Variants in UAP1L1 observed in about 807,000 individuals in gnomAD.
The protein encoded by UAP1L1 is UDP-N-acetylglucosamine pyrophosphorylase 1 like 1.
UAP1L1 carries 45 observed loss-of-function variants against 45.3 expected under a neutral mutation model. The observed-to-expected ratio is 0.99, with a 90% CI of 0.78 to 1.27. The LOEUF (loss-of-function observed/expected upper bound fraction) is 1.27, where lower values mean the gene tolerates loss of function less well. UAP1L1 is among the 50% of genes most tolerant of loss of function. The probability of loss-of-function intolerance (pLI) is 0.00; values close to 1 mark genes in which losing one functional copy is unlikely to be tolerated. For missense variants in UAP1L1, 667 were observed against 694.0 expected, an observed-to-expected ratio of 0.96 and a Z score of 0.44; for synonymous variants, 323 against 303.9, an observed-to-expected ratio of 1.06 and a Z score of -0.65.
Position 137,082,670 on chromosome 9 carries a change from C to T in UAP1L1, c.1465C>T (p.Gln489Ter), listed in dbSNP as rs1023817410. 10 of 1,552,314 alleles carry T rather than the reference C, an allele frequency of 6.4e-6. No homozygotes were observed. Among genetic ancestry groups the T allele is most frequent in the Non-Finnish European group, 8.7e-6 (10 of 1,147,462 alleles). Residue 489 changes from glutamine to a stop codon, truncating the protein, a stop_gained, in exon 9 of 9, where the codon CAG becomes TAG. Transcript: ENST00000409858. LOFTEE classifies it high-confidence loss of function. This position sits in a 1 kb window ranked among gnomAD's most constrained non-coding sequence, Gnocchi z 5.7. The stretch of plus-strand genomic sequence containing the variant: ...AGTGTACCTGCAAGGCCGGGAGTTC[C>T]AGTCCCCGCTCATCCTGGATGAAGA... Reference protein sequence around the residue: ...LEVYLQGREFQSPLILDEDQA... With the variant: ...LEVYLQGREF
At position 137,079,376 on chromosome 9, in the gene UAP1L1, G is replaced by C. The variant is rs1241666711; in HGVS notation, c.964G>C (p.Gly322Arg). 6.2e-7 allele frequency: 1 copy of C among 1,612,720 alleles called. No homozygotes were observed. Among genetic ancestry groups the C allele is most frequent in the Non-Finnish European group, 8.5e-7 (1 of 1,179,598 alleles). ...PETAQLRASD[G>R]SLLYNAGNIC... ...GACCGCACAGCTACGTGCCTCCGAC[G>C]GGAGCCTGCTGTACAATGCAGGCAA... The change falls in exon 5 of 9, where the codon GGG becomes CGG. Residue 322 changes from glycine to arginine, a missense_variant. Coordinates refer to ENST00000409858, the MANE Select transcript of UAP1L1 (RefSeq NM_207309.3).
Position 137,082,615 on chromosome 9 carries a change from A to G in UAP1L1, c.1432-22A>G. The G allele has an allele frequency of 2.6e-6, 4 of 1,547,532 alleles. No individual in the cohort carries two copies. The highest frequency in any genetic ancestry group is 2.6e-6 in the Non-Finnish European group (3 of 1,143,560). On this transcript the variant is annotated intron_variant, in intron 8 of 8. Transcript: ENST00000409858. This position sits in a 1 kb window ranked among gnomAD's most constrained non-coding sequence, Gnocchi z 5.7. ...CCCGCCAAAAGGTGGGTACTTGGCC[A>G]TTGTCCCCTGCTCGTCTCCAGGGTT...
rs942029657 is a variant in UAP1L1, at chr9:137,082,335, C to T, written c.1431+271C>T. ...CAGTCAGGCCTTGGTGGGGGCCTTGCGGAGGGAGGACACCGGCCTCTGCTA... is the reference window on the plus strand; with the variant it reads ...CAGTCAGGCCTTGGTGGGGGCCTTGTGGAGGGAGGACACCGGCCTCTGCTA... On this transcript the variant is annotated intron_variant, in intron 8 of 8. Transcript: ENST00000409858. The surrounding 1 kb of genome is among the most constrained non-coding windows in gnomAD (Gnocchi z 5.7). 1.7e-5 allele frequency: 10 copies of T among 598,936 alleles called. No homozygotes were observed. The highest frequency in any genetic ancestry group is 8.8e-4 in the Middle Eastern group (2 of 2,270). The allele number at this position is 598,936 out of a possible 1,614,324, so 37.1% of individuals were successfully genotyped here.
At chr9:137,078,778 T>A in intron 3 of UAP1L1, 101 bp downstream of exon 3, 1 of 1,407,410 alleles carries the variant, frequency 7.1e-7, no homozygotes, top group Non-Finnish European at 9.5e-7. Flanking sequence ...CGAGGCTGTG[T>A]GGTCCTGGGT....
intron 6 of UAP1L1, 85 bp downstream of exon 6, chr9:137,080,227 A>T: frequency 6.4e-7 from 1 of 1,561,388 alleles, no homozygotes; most frequent in Admixed American, 1.7e-5. Flanking sequence ...GTAGGGAAGT[A>T]GAGGCTTGAG....
chr9:137,080,818 G>A lies in UAP1L1; in HGVS notation c.1308G>A (p.Leu436=). 6.2e-7 allele frequency: 1 copy of A among 1,610,426 alleles called. No individual in the cohort carries two copies. The highest frequency in any genetic ancestry group is 8.5e-7 in the Non-Finnish European group (1 of 1,179,508). ...TCACCCAGCACTACCGGTGGGCTCTGCGGGCCGGGGCCCGCTTCCTGGATG... is the reference window on the plus strand; with the variant it reads ...TCACCCAGCACTACCGGTGGGCTCTACGGGCCGGGGCCCGCTTCCTGGATG... ...ALLTQHYRWA[L]RAGARFLDAH... Residue 436 remains leucine, a synonymous_variant, in exon 7 of 9, where the codon CTG becomes CTA. Transcript: ENST00000409858.
In UAP1L1 at chr9:137,080,701, CT is replaced by C; in HGVS notation, c.1193del (p.Leu398TrpfsTer12). The part of the protein sequence containing the change: ...VFRFAKNFAA[L>X]EVLREEEFSP... The stretch of plus-strand genomic sequence containing the variant: ...CTTTCCCCACCAGGAACTTTGCTGC[CT>C]TGGAAGTGCTGCGGGAGGAGGAATT... On this transcript the variant is annotated frameshift_variant, in exon 7 of 9. Coordinates refer to ENST00000409858, the MANE Select transcript of UAP1L1 (RefSeq NM_207309.3). LOFTEE classifies it high-confidence loss of function. The C allele has an allele frequency of 6.2e-7, 1 of 1,611,326 alleles. No individual in the cohort carries two copies. Among genetic ancestry groups the C allele is most frequent in the Non-Finnish European group, 8.5e-7 (1 of 1,179,074 alleles).
chr9:137,078,889 G>A (rs1832740108), intron 3 of UAP1L1, 87 bp from the exon 4 acceptor site: 9 of 1,477,224 alleles, frequency 6.1e-6, no homozygotes, highest in Non-Finnish European at 5.4e-6. Context: ...CAAGGCCGGG[G>A]CTTCCCCCGC....
At chr9:137,079,858 C>T in intron 5 of UAP1L1, 144 bp from the exon 6 acceptor site, 2 of 954,994 alleles carry the variant, frequency 2.1e-6, no homozygotes, top group Non-Finnish European at 3.2e-6. Flanking sequence ...GAGATCTGGC[C>T]CTACTCTGCC....
In UAP1L1 at chr9:137,077,832, T is replaced by A; in HGVS notation, c.289+11T>A. On this transcript the variant is annotated intron_variant, in intron 1 of 8. Coordinates refer to ENST00000409858, the MANE Select transcript of UAP1L1 (RefSeq NM_207309.3). This position sits in a 1 kb window ranked among gnomAD's most constrained non-coding sequence, Gnocchi z 4.7. The stretch of plus-strand genomic sequence containing the variant: ...GCTGGGAGGAGGAAGGTAAGCGGGG[T>A]GGGAGGCCCTGGGGGCCGGCAGGGG... 6 of 1,379,592 alleles carry A rather than the reference T, an allele frequency of 4.3e-6. No individual in the cohort carries two copies. The highest frequency in any genetic ancestry group is 5.6e-6 in the Non-Finnish European group (6 of 1,069,272). The allele number at this position is 1,379,592 out of a possible 1,614,324, so 85.5% of individuals were successfully genotyped here. A position where few individuals can be genotyped will look rare whatever the true frequency, so the allele number is the denominator to read the frequency against.
rs915230380 is a variant in UAP1L1 at position 137,077,922 on chromosome 9, T to C, written c.289+101T>C. The stretch of plus-strand genomic sequence containing the variant: ...GGGGAACTGTAGTTCTCCTCGCTAC[T>C]TTGAGACGTGTCTCGCCTCACGCGT... On this transcript the variant is annotated intron_variant, in intron 1 of 8. Transcript: ENST00000409858. This position sits in a 1 kb window ranked among gnomAD's most constrained non-coding sequence, Gnocchi z 4.7. 1.1e-4 allele frequency: 173 copies of C among 1,507,296 alleles called. 1 individual carries two copies. Among genetic ancestry groups the C allele is most frequent in the Non-Finnish European group, 1.4e-4 (164 of 1,133,752 alleles). 93.4% of individuals were successfully genotyped at this position (1,507,296 alleles called of 1,614,324 possible).
At position 137,083,536 on chromosome 9, in the gene UAP1L1, C is replaced by T. The variant is rs1358342149; in HGVS notation, c.*807C>T. 1 of 152,338 alleles carries T rather than the reference C, an allele frequency of 6.6e-6. No homozygotes were observed. Among genetic ancestry groups the T allele is most frequent in the Non-Finnish European group, 1.5e-5 (1 of 68,092 alleles). 9.4% of individuals were successfully genotyped at this position (152,338 alleles called of 1,614,324 possible). Reference sequence around the variant, plus strand: ...GAACCAGTGGGATCAATGCCGGCGGCCTCTGTGATGGTTGCTGACTAATCC... The same window carrying T: ...GAACCAGTGGGATCAATGCCGGCGGTCTCTGTGATGGTTGCTGACTAATCC... On this transcript the variant is annotated 3_prime_UTR_variant, in exon 9 of 9. Coordinates refer to ENST00000409858, the MANE Select transcript of UAP1L1 (RefSeq NM_207309.3).
rs777690993 is a variant in UAP1L1, at chr9:137,080,692, C to A, written c.1182C>A (p.Asn394Lys). The stretch of plus-strand genomic sequence containing the variant: ...TGACTAGCCCTTTCCCCACCAGGAA[C>A]TTTGCTGCCTTGGAAGTGCTGCGGG... The part of the protein sequence containing the change: ...FVFDVFRFAK[N>K]FAALEVLREE... Residue 394 changes from asparagine (N) to lysine (K), a missense_variant, in exon 7 of 9, where the codon AAC becomes AAA. Transcript: ENST00000409858. The A allele has an allele frequency of 3.4e-5, 55 of 1,609,196 alleles. No homozygotes were observed. The highest frequency in any genetic ancestry group is 4.2e-5 in the Non-Finnish European group (49 of 1,178,042).
chr9:137,079,064 C>G lies in UAP1L1; in HGVS notation c.759C>G (p.Tyr253Ter). The change falls in exon 4 of 9, where the codon TAC (tyrosine) becomes TAG (stop). Residue 253 changes from tyrosine to a stop codon, truncating the protein, a stop_gained. Transcript: ENST00000409858. LOFTEE classifies it high-confidence loss of function. Reference sequence around the variant, plus strand: ...GGGGAGTGGAGTTTGTGCACGTGTACTGTGTGGACAACATCCTGGTGCGGC... The same window carrying G: ...GGGGAGTGGAGTTTGTGCACGTGTAGTGTGTGGACAACATCCTGGTGCGGC... ...ERRGVEFVHV[Y>*]CVDNILVRLA... The G allele has an allele frequency of 6.2e-7, 1 of 1,610,862 alleles. No homozygotes were observed. Among genetic ancestry groups the G allele is most frequent in the Non-Finnish European group, 8.5e-7 (1 of 1,179,228 alleles).
chr9:137,080,120 T>G lies in UAP1L1; in HGVS notation c.1156T>G (p.Phe386Val), dbSNP rs184774100. 2 of 1,614,180 alleles carry G rather than the reference T, an allele frequency of 1.2e-6. No homozygotes were observed. The highest frequency in any genetic ancestry group is 2.7e-5 in the African/African-American group (2 of 75,062). The part of the protein sequence containing the change: ...PNGIKMEKFV[F>V]DVFRFAKNFA... ...CGGGATAAAGATGGAGAAGTTTGTG[T>G]TTGATGTGTTCCGGTTTGCTAAGTT... Residue 386 changes from phenylalanine to valine, a missense_variant, in exon 6 of 9, where the codon TTT becomes GTT. Phe to Val is a conservative substitution (Grantham distance 50). Transcript: ENST00000409858.
chr9:137,082,578 G>A lies in UAP1L1; in HGVS notation c.1432-59G>A, dbSNP rs1832806296. ...GGGACTGTGGCTCTTGGTGTGGCCA[G>A]AGGGGCTGTGACCCGCCAAAAGGTG... On this transcript the variant is annotated intron_variant, in intron 8 of 8. Coordinates refer to ENST00000409858, the MANE Select transcript of UAP1L1 (RefSeq NM_207309.3). This position sits in a 1 kb window ranked among gnomAD's most constrained non-coding sequence, Gnocchi z 5.7. The A allele has an allele frequency of 1.4e-6, 2 of 1,399,204 alleles. No homozygotes were observed. The highest frequency in any genetic ancestry group is 2.0e-6 in the Non-Finnish European group (2 of 1,010,378). The allele number at this position is 1,399,204 out of a possible 1,614,324, so 86.7% of individuals were successfully genotyped here.
In UAP1L1 at chr9:137,080,092, G is replaced by A. The variant is rs374359051; in HGVS notation, c.1128G>A (p.Pro376=). Residue 376 remains proline, a synonymous_variant, in exon 6 of 9, where the codon CCG becomes CCA. Transcript: ENST00000409858. ...GGAATCTGGTAAAGCCGCTAAAACCGAACGGGATAAAGATGGAGAAGTTTG... is the reference window on the plus strand; with the variant it reads ...GGAATCTGGTAAAGCCGCTAAAACCAAACGGGATAAAGATGGAGAAGTTTG... ...EEGNLVKPLK[P]NGIKMEKFVF... The A allele has an allele frequency of 9.9e-6, 16 of 1,614,106 alleles. No homozygotes were observed. The highest frequency in any genetic ancestry group is 2.2e-5 in the South Asian group (2 of 91,096).
Position 137,079,387 on chromosome 9 carries a change from G to A in UAP1L1, c.975G>A (p.Leu325=), listed in dbSNP as rs1484898202. Residue 325 remains leucine, a synonymous_variant, in exon 5 of 9, where the codon CTG becomes CTA. Transcript: ENST00000409858. ...TACGTGCCTCCGACGGGAGCCTGCT[G>A]TACAATGCAGGCAACATCTGCAACC... ...AQLRASDGSL[L]YNAGNICNHF... 1.9e-6 allele frequency: 3 copies of A among 1,611,478 alleles called. No homozygotes were observed.
In UAP1L1 at chr9:137,079,262, GA is replaced by G; in HGVS notation, c.854del (p.Lys285ArgfsTer68). On this transcript the variant is annotated frameshift_variant, in exon 5 of 9. Transcript: ENST00000409858. LOFTEE classifies it high-confidence loss of function. Reference sequence around the variant, plus strand: ...TCCCTGGTCTTGGCTGCAGGTGGTGGAAAAGGCATACCCCGAGGAGCCCGTG... The same window carrying G: ...TCCCTGGTCTTGGCTGCAGGTGGTGGAAAGGCATACCCCGAGGAGCCCGTG... Reference protein sequence around the residue: ...QGADCGAKVVEKAYPEEPVGV... With the variant: ...QGADCGAKVVXKAYPEEPVGV... The G allele has an allele frequency of 1.2e-6, 2 of 1,609,054 alleles. No individual in the cohort carries two copies. Among genetic ancestry groups the G allele is most frequent in the Admixed American group, 1.7e-5 (1 of 59,632 alleles).
Sources: allele counts gnomAD v4.1 joint callset, GRCh38; gene constraint gnomAD v4.1.1; non-coding constraint Gnocchi (gnomAD v3.1); transcripts MANE v1.5; gene names NCBI Gene and HGNC (gene_info 2026-07-23, HGNC 2026-07-21).